Variants in SORCS2 observed in about 807,000 individuals in gnomAD.
SORCS2 encodes the protein VPS10 domain-containing receptor SorCS2.
SORCS2 carries 100 observed loss-of-function variants against 141.6 expected under a neutral mutation model. That is an observed-to-expected ratio of 0.71 (90% CI 0.60 to 0.83). SORCS2 has a LOEUF of 0.83. SORCS2 is among the 40% of genes least tolerant of loss of function. The probability of loss-of-function intolerance (pLI) is 0.00; values close to 1 mark genes in which losing one functional copy is unlikely to be tolerated. For synonymous variants in SORCS2, 789 were observed against 676.9 expected, an observed-to-expected ratio of 1.17 and a Z score of -2.57; for missense variants, 1,646 against 1,560.2, an observed-to-expected ratio of 1.05 and a Z score of -0.93.
At chr4:7,619,357 G>C (rs1411003142) in intron 3 of SORCS2, among the ~76,000 whole-genome samples, 1 of 152,218 alleles carries the variant, frequency 6.6e-6, no homozygotes, top group Non-Finnish European at 1.5e-5. Flanking sequence ...TATCCAGTAA[G>C]TCCAGGGAGC....
intron 3 of SORCS2, among the ~76,000 whole-genome samples, chr4:7,546,337 C>T (rs1286205785): frequency 3.3e-5 from 5 of 152,168 alleles, no homozygotes; most frequent in South Asian, 4.1e-4. Context: ...CCGGCACCGG[C>T]GGGGCTTGCT....
At chr4:7,673,440 C>A (rs1295456441) in intron 8 of SORCS2, among the ~76,000 whole-genome samples, 1 of 152,176 alleles carries the variant, frequency 6.6e-6, no homozygotes, top group Non-Finnish European at 1.5e-5. Context: ...TGGAATATGG[C>A]CCGTCCACAA....
intron 3 of SORCS2, among the ~76,000 whole-genome samples, chr4:7,612,771 C>T (rs781092410): frequency 1.6e-4 from 24 of 152,218 alleles, no homozygotes; most frequent in Admixed American, 2.6e-4. Flanking sequence ...TATAATCCCA[C>T]CCCACAGGAG....
intron 2 of SORCS2, among the ~76,000 whole-genome samples, chr4:7,423,282 T>G (rs1726212202): frequency 6.6e-6 from 1 of 152,166 alleles, no homozygotes; most frequent in Admixed American, 6.5e-5. Context: ...ATTATAATTG[T>G]TATTATTTCT....
At chr4:7,568,148 C>T (rs1471052280) in intron 3 of SORCS2, among the ~76,000 whole-genome samples, 1 of 152,154 alleles carries the variant, frequency 6.6e-6, no homozygotes, top group African/African-American at 2.4e-5. Flanking sequence ...GGCAACATCC[C>T]TAATTATCCC....
At chr4:7,382,651 C>A (rs1191021710) in intron 1 of SORCS2, among the ~76,000 whole-genome samples, 2 of 152,082 alleles carry the variant, frequency 1.3e-5, no homozygotes, top group African/African-American at 4.8e-5. Context: ...GAGAAAATGA[C>A]AAAACTCCTG....
At chr4:7,396,676 A>G (rs1176130236) in intron 2 of SORCS2, among the ~76,000 whole-genome samples, 1 of 152,210 alleles carries the variant, frequency 6.6e-6, no homozygotes, top group Admixed American at 6.5e-5. Context: ...AGGTCAGTGC[A>G]CAATTTCCCT....
intron 2 of SORCS2, among the ~76,000 whole-genome samples, chr4:7,457,170 C>T (rs1728968368): frequency 6.6e-6 from 1 of 152,224 alleles, no homozygotes; most frequent in Admixed American, 6.5e-5. Context: ...GGACAGATTC[C>T]CCGCCACCAG....
At chr4:7,529,435 C>A (rs1577703076) in intron 2 of SORCS2, among the ~76,000 whole-genome samples, 1 of 152,200 alleles carries the variant, frequency 6.6e-6, no homozygotes, top group East Asian at 1.9e-4. Context: ...GGGCTTTGCT[C>A]ATGGGCTCCT....
intron 4 of SORCS2, among the ~76,000 whole-genome samples, chr4:7,645,648 G>T (rs935324800): frequency 1.1e-4 from 16 of 152,150 alleles, no homozygotes; most frequent in African/African-American, 3.6e-4. Context: ...GGAGCTGCAG[G>T]TATTTGTTGA....
chr4:7,380,431 A>G (rs797008908), intron 1 of SORCS2, among the ~76,000 whole-genome samples: 9 of 151,920 alleles, frequency 5.9e-5, no homozygotes, highest in East Asian at 3.9e-4. Context: ...CTCCTGGGCT[A>G]TTACTGGGGA....
At position 7,718,172 on chromosome 4, in the gene SORCS2, C is replaced by T. The variant is rs368370813; in HGVS notation, c.2413C>T (p.Arg805Trp). 2.9e-5 allele frequency: 46 copies of T among 1,609,936 alleles called. No individual in the cohort carries two copies. The highest frequency in any genetic ancestry group is 8.0e-5 in the African/African-American group (6 of 74,818). ...RPGEDVLFVVRQEQGDVLTTK... is the reference protein window; with the variant it reads ...RPGEDVLFVVWQEQGDVLTTK... ...TGGAGAGGACGTCCTGTTTGTGGTGCGGCAGGAGCAGGTGAGTGAGCACCT... is the reference window on the plus strand; with the variant it reads ...TGGAGAGGACGTCCTGTTTGTGGTGTGGCAGGAGCAGGTGAGTGAGCACCT... Residue 805 changes from arginine (R) to tryptophan (W), a missense_variant, in exon 18 of 27, where the codon CGG becomes TGG. Arg to Trp is a moderately radical substitution (Grantham distance 101, BLOSUM62 -3). Transcript: ENST00000507866.
chr4:7,714,192 C>T (rs1267451103), intron 15 of SORCS2, 48 bp from the exon 16 acceptor site: 3 of 1,581,768 alleles, frequency 1.9e-6, no homozygotes, highest in Non-Finnish European at 2.6e-6. Context: ...CCTTGTAGAG[C>T]AGTTGCCCTG....
chr4:7,542,758 T>C (rs1281611649), intron 3 of SORCS2, among the ~76,000 whole-genome samples: 1 of 152,224 alleles, frequency 6.6e-6, no homozygotes, highest in Non-Finnish European at 1.5e-5. Flanking sequence ...ATCAGCGATG[T>C]GGTTGCCCAG....
chr4:7,706,988 C>T (rs1725514819), intron 14 of SORCS2, among the ~76,000 whole-genome samples: 1 of 152,204 alleles, frequency 6.6e-6, no homozygotes, highest in Non-Finnish European at 1.5e-5. Context: ...CACCCTCAAC[C>T]AGCTCTGCTG....
rs148311916 is a variant in SORCS2 at position 7,233,614 on chromosome 4, G to A, written c.480+40488G>A. 5.9e-4 allele frequency among the ~76,000 whole-genome samples: 90 copies of A among 152,316 alleles called. No homozygotes were observed. Among genetic ancestry groups the A allele is most frequent in the African/African-American group, 2.0e-3 (82 of 41,572 alleles). ...GAATGAGGCTGGCGGTCACCGTGGA[G>A]TGCAGCGCTTCTCAGGTGGGACGTT... On this transcript the variant is annotated intron_variant, in intron 1 of 26. Coordinates refer to ENST00000507866, the MANE Select transcript of SORCS2 (RefSeq NM_020777.3). The surrounding 1 kb of genome is among the most constrained non-coding windows in gnomAD (Gnocchi z 4.5).
intron 3 of SORCS2, among the ~76,000 whole-genome samples, chr4:7,556,575 T>C (rs1042652435): frequency 8.5e-5 from 13 of 152,154 alleles, no homozygotes; most frequent in African/African-American, 3.1e-4. Flanking sequence ...AAGTTCACTT[T>C]TCATAAGAGT....
chr4:7,315,501 A>G (rs760616424), intron 1 of SORCS2, among the ~76,000 whole-genome samples: 2 of 151,722 alleles, frequency 1.3e-5, no homozygotes, highest in Non-Finnish European at 2.9e-5. Flanking sequence ...GAGGAGAGGG[A>G]CACCACTGGT....
rs75500178 is a variant in SORCS2, at chr4:7,447,781, C to A, written c.548+51426C>A. Among the ~76,000 whole-genome samples, 1,403 of 152,230 alleles carry A rather than the reference C, an allele frequency of 9.2e-3. 16 individuals are homozygous for A. Among genetic ancestry groups the A allele is most frequent in the Middle Eastern group, 0.041 (12 of 294 alleles). On this transcript the variant is annotated intron_variant, in intron 2 of 26. Transcript: ENST00000507866. ...GAAACTGGAATTATGAAACAAACTA[C>A]GACCCAGGATGGAACGGAGCCTGTG...
Sources: allele counts gnomAD v4.1 joint callset (sites outside exome capture counted in the v4.1 genomes callset), GRCh38; gene constraint gnomAD v4.1.1; non-coding constraint Gnocchi (gnomAD v3.1); transcripts MANE v1.5; gene names NCBI Gene and HGNC (gene_info 2026-07-23, HGNC 2026-07-21).